FHIT: variants seen among roughly 807,000 people sequenced by gnomAD.
FHIT encodes the protein fragile histidine triad diadenosine triphosphatase, also known as bis(5'-adenosyl)-triphosphatase.
FHIT carries 19 observed loss-of-function variants against 17.9 expected under a neutral mutation model. The ratio of observed to expected loss-of-function variants is 1.06; its 90% CI spans 0.74 to 1.56. FHIT has a LOEUF of 1.56. FHIT is among the 40% of genes most tolerant of loss of function. FHIT has a pLI of 0.00. For synonymous variants in FHIT, 81 were observed against 69.7 expected (o/e 1.16, Z -0.81); for missense variants, 248 against 189.2 (o/e 1.31, Z -1.82).
chr3:60,082,074 G>C (rs575599885), intron 5 of FHIT, among the ~76,000 whole-genome samples: 2 of 151,872 alleles, frequency 1.3e-5, no homozygotes, highest in African/African-American at 4.8e-5. Flanking sequence ...CCATCACCCA[G>C]GTAGTGAGCA....
intron 8 of FHIT, among the ~76,000 whole-genome samples, chr3:59,779,128 C>T (rs1484989297): frequency 6.6e-6 from 1 of 152,156 alleles, no homozygotes; most frequent in African/African-American, 2.4e-5. Flanking sequence ...AAAATCACAT[C>T]CAAGTTTGCA....
chr3:60,194,752 A>C (rs1472638676), intron 5 of FHIT, among the ~76,000 whole-genome samples: 1 of 152,196 alleles, frequency 6.6e-6, no homozygotes, highest in Non-Finnish European at 1.5e-5. Flanking sequence ...AAAACAAATA[A>C]TCCCATTAAA....
At chr3:60,174,581 G>A (rs549382658) in intron 5 of FHIT, among the ~76,000 whole-genome samples, 1 of 150,572 alleles carries the variant, frequency 6.6e-6, no homozygotes, top group Non-Finnish European at 1.5e-5. Flanking sequence ...AAAATCACAT[G>A]GCTAATGAGA....
chr3:61,154,920 C>G (rs1460283337), intron 2 of FHIT, among the ~76,000 whole-genome samples: 2 of 152,202 alleles, frequency 1.3e-5, no homozygotes, highest in African/African-American at 4.8e-5. Flanking sequence ...TAAATAAAAG[C>G]TAGTTCACAT....
At chr3:60,244,466 C>A (rs1023065304) in intron 5 of FHIT, among the ~76,000 whole-genome samples, 1 of 152,070 alleles carries the variant, frequency 6.6e-6, no homozygotes, top group Non-Finnish European at 1.5e-5. Flanking sequence ...CTGAATATAA[C>A]TCAGAATAAT....
chr3:60,701,270 T>G (rs1477358371), intron 4 of FHIT, among the ~76,000 whole-genome samples: 1 of 152,038 alleles, frequency 6.6e-6, no homozygotes. Flanking sequence ...ACTACAGGCA[T>G]GTGCCACTGT....
chr3:60,546,905 CT>C (rs1249384424), intron 4 of FHIT, among the ~76,000 whole-genome samples: 3 of 152,164 alleles, frequency 2.0e-5, no homozygotes, highest in Non-Finnish European at 4.4e-5. Context: ...AAGTCTACCT[CT>C]TTTTTAATTG....
intron 4 of FHIT, among the ~76,000 whole-genome samples, chr3:60,583,446 C>T (rs2037811226): frequency 6.6e-6 from 1 of 151,868 alleles, no homozygotes; most frequent in Non-Finnish European, 1.5e-5. Flanking sequence ...CTCAATTCTG[C>T]CAGTGTAGCA....
chr3:60,668,309 A>C (rs539185111), intron 4 of FHIT, among the ~76,000 whole-genome samples: 1 of 145,936 alleles, frequency 6.9e-6, no homozygotes, highest in Non-Finnish European at 1.5e-5. Flanking sequence ...CTTCCAATTA[A>C]TCTCTTTGGC....
intron 4 of FHIT, among the ~76,000 whole-genome samples, chr3:60,565,453 C>T (rs1024467940): frequency 2.0e-5 from 3 of 152,114 alleles, no homozygotes; most frequent in Non-Finnish European, 4.4e-5. Context: ...GCTATAACAC[C>T]TAGTTCCCAC....
intron 5 of FHIT, among the ~76,000 whole-genome samples, chr3:60,062,472 T>A (rs892807964): frequency 7.9e-5 from 12 of 152,184 alleles, no homozygotes; most frequent in African/African-American, 2.7e-4. Flanking sequence ...CATTAAGAAT[T>A]ATCTCCTCTA....
At position 60,166,471 on chromosome 3, in the gene FHIT, T is replaced by C. The variant is rs1052435802; in HGVS notation, c.104-152319A>G. Reference sequence around the variant, plus strand: ...CAATATGTGTTAAGTGCTCAGAACATGTCAAGCAGTGTGCTAAGCAGTACC... The same window carrying C: ...CAATATGTGTTAAGTGCTCAGAACACGTCAAGCAGTGTGCTAAGCAGTACC... On this transcript the variant is annotated intron_variant, in intron 5 of 9. Transcript: ENST00000492590. Among the ~76,000 whole-genome samples the C allele has an allele frequency of 1.1e-4, 16 of 152,186 alleles. 1 individual carries two copies. The highest frequency in any genetic ancestry group is 2.7e-4 in the African/African-American group (11 of 41,456).
intron 5 of FHIT, among the ~76,000 whole-genome samples, chr3:60,295,462 A>G (rs570502745): frequency 6.6e-6 from 1 of 152,014 alleles, no homozygotes; most frequent in East Asian, 1.9e-4. Context: ...GACAGGAAGC[A>G]AGAGAGAGGG....
intron 5 of FHIT, among the ~76,000 whole-genome samples, chr3:60,174,205 T>G (rs1206922269): frequency 6.6e-6 from 1 of 151,726 alleles, no homozygotes; most frequent in Non-Finnish European, 1.5e-5. Context: ...CCACCGTGCC[T>G]GGCCTGTTTC....
intron 4 of FHIT, among the ~76,000 whole-genome samples, chr3:60,595,620 T>TA (rs2038243065): frequency 7.9e-6 from 1 of 125,974 alleles, no homozygotes; most frequent in African/African-American, 3.7e-5. Flanking sequence ...TATGTGTGTA[T>TA]GTATATATGT....
At chr3:60,214,216 A>C (rs1014691356) in intron 5 of FHIT, among the ~76,000 whole-genome samples, 2 of 152,174 alleles carry the variant, frequency 1.3e-5, no homozygotes, top group Non-Finnish European at 2.9e-5. Flanking sequence ...AAACTTACAA[A>C]CAAGCAACAA....
chr3:60,812,289 A>G (rs1701594329), intron 4 of FHIT, among the ~76,000 whole-genome samples: 1 of 151,554 alleles, frequency 6.6e-6, no homozygotes, highest in African/African-American at 2.4e-5. Flanking sequence ...CAGCCTCCCA[A>G]GCAGCTCAGA....
chr3:60,233,274 C>T (rs1704595984), intron 5 of FHIT, among the ~76,000 whole-genome samples: 1 of 152,176 alleles, frequency 6.6e-6, no homozygotes, highest in Non-Finnish European at 1.5e-5. Flanking sequence ...TGATGCCTGG[C>T]AATCCATGAT....
intron 5 of FHIT, among the ~76,000 whole-genome samples, chr3:60,239,846 A>T (rs1370094563): frequency 6.6e-6 from 1 of 152,196 alleles, no homozygotes; most frequent in Non-Finnish European, 1.5e-5. Flanking sequence ...AGGGAAGTCA[A>T]ATCTATAGAT....
Sources: allele counts gnomAD v4.1 joint callset (sites outside exome capture counted in the v4.1 genomes callset), GRCh38; gene constraint gnomAD v4.1.1; transcripts MANE v1.5; gene names NCBI Gene and HGNC (gene_info 2026-07-23, HGNC 2026-07-21).